Variants in EXOC4 observed in about 807,000 individuals in gnomAD.
EXOC4 encodes the protein exocyst complex component 4, also known as SEC8-like 1.
EXOC4 carries 71 observed loss-of-function variants against 107.2 expected under a neutral mutation model. That is an observed-to-expected ratio of 0.66 (90% CI 0.55 to 0.81). EXOC4 has a LOEUF of 0.81. Ranked by LOEUF, EXOC4 falls within the 30% of genes least tolerant of loss-of-function variation. The pLI is 0.00. For missense variants in EXOC4, 1,108 were observed against 1,189.6 expected (o/e 0.93, Z 1.01); for synonymous variants, 456 against 441.2 (o/e 1.03, Z -0.42).
chr7:133,975,011 A>T (rs2346273), intron 14 of EXOC4, among the ~76,000 whole-genome samples: 106,003 of 151,742 alleles, frequency 0.7, 37,421 homozygotes, highest in East Asian at 0.91. Flanking sequence ...CAAGCGCTGT[A>T]TAAATTCCTA....
intron 9 of EXOC4, among the ~76,000 whole-genome samples, chr7:133,580,766 G>C (rs924427156): frequency 6.6e-6 from 1 of 152,112 alleles, no homozygotes; most frequent in African/African-American, 2.4e-5. Context: ...CTCTTTTAAG[G>C]TACTGCATCT....
chr7:133,541,799 G>T (rs1277933280), intron 9 of EXOC4, among the ~76,000 whole-genome samples: 2 of 152,060 alleles, frequency 1.3e-5, no homozygotes. Context: ...TTTGGTGAAT[G>T]AATAAGCAGA....
intron 15 of EXOC4, among the ~76,000 whole-genome samples, chr7:134,000,675 C>T (rs943747396): frequency 5.3e-5 from 8 of 152,080 alleles, no homozygotes; most frequent in African/African-American, 1.9e-4. Flanking sequence ...TTCTCATCAA[C>T]TAATGTTTGT....
chr7:133,299,568 C>T (rs763590472), intron 3 of EXOC4, among the ~76,000 whole-genome samples: 11 of 152,058 alleles, frequency 7.2e-5, no homozygotes, highest in Non-Finnish European at 1.3e-4. Flanking sequence ...AGAACAAGTC[C>T]GCATTTCATG....
intron 9 of EXOC4, among the ~76,000 whole-genome samples, chr7:133,618,476 T>C (rs1257895102): frequency 6.6e-6 from 1 of 152,178 alleles, no homozygotes; most frequent in Non-Finnish European, 1.5e-5. Flanking sequence ...TTTATAACAA[T>C]CAAGACTGAG....
At position 133,572,027 on chromosome 7, in the gene EXOC4, C is replaced by A. The variant is rs182966513; in HGVS notation, c.1418-58018C>A. 4.1e-4 allele frequency among the ~76,000 whole-genome samples: 62 copies of A among 152,208 alleles called. 1 individual carries two copies. The highest frequency in any genetic ancestry group is 4.1e-3 in the Admixed American group (62 of 15,296). On this transcript the variant is annotated intron_variant, in intron 9 of 17. Transcript: ENST00000253861. ...AAGGTTAATGAAAAATTAGTATTTG[C>A]TGGGAAGGTAGGCACAGGGATTTTC...
At chr7:133,423,991 T>A (rs1797664453) in intron 7 of EXOC4, among the ~76,000 whole-genome samples, 1 of 152,102 alleles carries the variant, frequency 6.6e-6, no homozygotes, top group South Asian at 2.1e-4. Flanking sequence ...TTGGAGAACT[T>A]TTCTGTCTAG....
At chr7:133,682,879 T>G (rs957878393) in intron 10 of EXOC4, among the ~76,000 whole-genome samples, 3 of 152,174 alleles carry the variant, frequency 2.0e-5, no homozygotes, top group African/African-American at 7.2e-5. Context: ...CGATACGTGC[T>G]TTTGAAGGAA....
chr7:133,433,544 T>A (rs1202482889), intron 7 of EXOC4, among the ~76,000 whole-genome samples: 1 of 152,190 alleles, frequency 6.6e-6, no homozygotes, highest in East Asian at 1.9e-4. Context: ...AAGTCCCAGA[T>A]AATGAGCATA....
At chr7:133,351,674 C>G (rs576913683) in intron 5 of EXOC4, among the ~76,000 whole-genome samples, 114 of 151,894 alleles carry the variant, frequency 7.5e-4, no homozygotes, top group Non-Finnish European at 1.4e-3. Flanking sequence ...TTTCTATTCT[C>G]TATTTTATCT....
intron 9 of EXOC4, among the ~76,000 whole-genome samples, chr7:133,593,864 A>T (rs1054013486): frequency 1.3e-5 from 2 of 152,214 alleles, no homozygotes; most frequent in East Asian, 3.8e-4. Context: ...TTTTATTCTG[A>T]TTAAATATTA....
intron 12 of EXOC4, 49 bp downstream of exon 12, chr7:133,895,784 T>C (rs1799293724): frequency 1.3e-6 from 2 of 1,576,068 alleles, no homozygotes; most frequent in South Asian, 1.2e-5. Flanking sequence ...AGCCTGATGG[T>C]GGTTCCAATT....
intron 1 of EXOC4, among the ~76,000 whole-genome samples, chr7:133,265,014 A>G (rs1413751416): frequency 6.6e-6 from 1 of 152,188 alleles, no homozygotes; most frequent in Non-Finnish European, 1.5e-5. Flanking sequence ...GAATAGATAT[A>G]ATAACTTAAT....
At chr7:133,628,108 G>A (rs980926356) in intron 9 of EXOC4, among the ~76,000 whole-genome samples, 3 of 152,212 alleles carry the variant, frequency 2.0e-5, no homozygotes, top group African/African-American at 7.2e-5. Context: ...AATGTTGCGA[G>A]TGTAGATTGC....
intron 7 of EXOC4, among the ~76,000 whole-genome samples, chr7:133,375,257 C>G (rs1040019570): frequency 6.6e-6 from 1 of 152,174 alleles, no homozygotes; most frequent in Non-Finnish European, 1.5e-5. Context: ...GGGTGGATCA[C>G]CTGAGGTCAG....
intron 14 of EXOC4, among the ~76,000 whole-genome samples, chr7:133,982,831 C>T (rs1198803577): frequency 6.6e-6 from 1 of 152,148 alleles, no homozygotes; most frequent in Non-Finnish European, 1.5e-5. Flanking sequence ...AAAGGACCAC[C>T]TTCCTGTTCA....
intron 2 of EXOC4, among the ~76,000 whole-genome samples, chr7:133,286,744 A>G (rs373005535): frequency 6.6e-6 from 1 of 152,186 alleles, no homozygotes; most frequent in East Asian, 1.9e-4. Flanking sequence ...GAGCCTAACT[A>G]TTGACGGAGA....
At chr7:133,501,197 T>A (rs1270730380) in intron 9 of EXOC4, among the ~76,000 whole-genome samples, 1 of 152,188 alleles carries the variant, frequency 6.6e-6, no homozygotes, top group Non-Finnish European at 1.5e-5. Flanking sequence ...TCTGAATAAA[T>A]CCTGCTTTGA....
intron 14 of EXOC4, among the ~76,000 whole-genome samples, chr7:133,988,890 G>C (rs1794182212): frequency 6.6e-6 from 1 of 152,136 alleles, no homozygotes; most frequent in African/African-American, 2.4e-5. Context: ...AAGGAGCTTA[G>C]ACTTGATCAT....
Sources: allele counts gnomAD v4.1 joint callset (sites outside exome capture counted in the v4.1 genomes callset), GRCh38; gene constraint gnomAD v4.1.1; transcripts MANE v1.5; gene names NCBI Gene and HGNC (gene_info 2026-07-23, HGNC 2026-07-21).